Variants in GAD1 observed in about 807,000 individuals in gnomAD.
GAD1 encodes the protein 67 kDa glutamic acid decarboxylase.
Under a neutral mutation model 75.2 loss-of-function variants are expected in GAD1, and 35 were observed. That is an observed-to-expected ratio of 0.47 (90% CI 0.36 to 0.62). The LOEUF (loss-of-function observed/expected upper bound fraction) is 0.62. Ranked by LOEUF, GAD1 falls within the 20% of genes least tolerant of loss-of-function variation. The pLI is 0.00. For synonymous variants in GAD1, 257 were observed against 271.9 expected (o/e 0.95, Z 0.54); for missense variants, 490 against 758.5 (o/e 0.65, Z 4.16).
At chr2:170,820,594 GT>G (rs1701848101) in intron 2 of GAD1, among the ~76,000 whole-genome samples, 1 of 152,358 alleles carries the variant, frequency 6.6e-6, no homozygotes, top group Non-Finnish European at 1.5e-5. Context: ...GCACTCTCTT[GT>G]TCCAGAAACC....
At position 170,842,803 on chromosome 2, in the gene GAD1, G is replaced by A. The variant is rs765548531; in HGVS notation, c.639-1242G>A. 1.5e-4 allele frequency: 195 copies of A among 1,342,390 alleles called. 1 individual carries two copies. The highest frequency in any genetic ancestry group is 1.9e-4 in the Non-Finnish European group (191 of 1,006,924). The allele number at this position is 1,342,390 out of a possible 1,614,324, so 83.2% of individuals were successfully genotyped here. A position where few individuals can be genotyped will look rare whatever the true frequency, so the allele number is the denominator to read the frequency against. ...TCTTTTTGTCTTCTTTTACCTCCATGTGATTAATTTGACTGCTTTTTTCAT... is the reference window on the plus strand; with the variant it reads ...TCTTTTTGTCTTCTTTTACCTCCATATGATTAATTTGACTGCTTTTTTCAT... On this transcript the variant is annotated intron_variant, in intron 6 of 16. Coordinates refer to ENST00000358196, the MANE Select transcript of GAD1 (RefSeq NM_000817.3).
chr2:170,822,436 C>T (rs965217998), intron 3 of GAD1, among the ~76,000 whole-genome samples: 1 of 152,218 alleles, frequency 6.6e-6, no homozygotes, highest in East Asian at 1.9e-4. Context: ...GGGAGGAAAG[C>T]GCCCCCGCGC....
intron 3 of GAD1, among the ~76,000 whole-genome samples, chr2:170,828,532 C>CCCTCTGCTGTCCTCACCCTCCTA (rs1404849960): frequency 7.9e-6 from 1 of 125,830 alleles, no homozygotes; most frequent in Non-Finnish European, 1.7e-5. Context: ...TTGCTCTCCT[C>CCCTCTGCTGTCCTCACCCTCCTA]CCTCTGCTGT....
chr2:170,815,592 G>C (rs558498821), upstream of GAD1, among the ~76,000 whole-genome samples: 1 of 152,104 alleles, frequency 6.6e-6, no homozygotes, highest in Non-Finnish European at 1.5e-5. Flanking sequence ...GGCCCCAGAC[G>C]TGCGCATAAA....
intron 14 of GAD1, among the ~76,000 whole-genome samples, chr2:170,856,584 T>C (rs1228734462): frequency 6.6e-6 from 1 of 152,208 alleles, no homozygotes; most frequent in Non-Finnish European, 1.5e-5. Context: ...TTTAAAAACA[T>C]ACAAAGAACA....
chr2:170,847,414 C>A (rs1559283030), intron 10 of GAD1, among the ~76,000 whole-genome samples: 1 of 152,208 alleles, frequency 6.6e-6, no homozygotes, highest in Admixed American at 6.5e-5. Flanking sequence ...TGACAGAATT[C>A]TTTATCTGTT....
At chr2:170,856,328 G>A (rs1702851173) in intron 14 of GAD1, among the ~76,000 whole-genome samples, 1 of 152,224 alleles carries the variant, frequency 6.6e-6, no homozygotes, top group South Asian at 2.1e-4. Flanking sequence ...CATATACTGA[G>A]ACCAATGGCT....
chr2:170,847,740 T>C lies in GAD1; in HGVS notation c.1067T>C (p.Ile356Thr). 6.2e-7 allele frequency: 1 copy of C among 1,614,246 alleles called. No homozygotes were observed. Among genetic ancestry groups the C allele is most frequent in the Non-Finnish European group, 8.5e-7 (1 of 1,180,010 alleles). ...ACTGTTTATGGAGCTTTTGATCCGA[T>C]ACAAGAGATTGCAGATATATGTGAG... ...GTTVYGAFDPIQEIADICEKY... is the reference protein window; with the variant it reads ...GTTVYGAFDPTQEIADICEKY... Residue 356 changes from isoleucine (I) to threonine (T), a missense_variant, in exon 11 of 17, where the codon ATA becomes ACA. Ile to Thr is a moderately conservative substitution (Grantham distance 89). Transcript: ENST00000358196.
At chr2:170,817,323 GC>G (rs1701732772) in intron 1 of GAD1, 1 of 151,940 alleles carries the variant, frequency 6.6e-6, no homozygotes, top group Non-Finnish European at 1.5e-5. Context: ...TTGAAGTGGG[GC>G]AAGAGCGATT....
At chr2:170,821,668 G>C (rs1315568548) in intron 2 of GAD1, 2 of 193,932 alleles carry the variant, frequency 1.0e-5, no homozygotes. Context: ...AGATGCCTGT[G>C]TTCCCTTTCT....
chr2:170,813,608 G>C (rs931360135), upstream of GAD1, among the ~76,000 whole-genome samples: 4 of 152,156 alleles, frequency 2.6e-5, no homozygotes, highest in Admixed American at 1.3e-4. Context: ...CCACGTTTTA[G>C]GCGTGAAGAT....
intron 14 of GAD1, among the ~76,000 whole-genome samples, chr2:170,854,557 C>T (rs1046717601): frequency 5.9e-5 from 9 of 152,198 alleles, no homozygotes; most frequent in Admixed American, 2.0e-4. Flanking sequence ...CCCGCCACTA[C>T]GCCCGGCTAA....
At chr2:170,846,953 A>G (rs1702646631) in intron 10 of GAD1, among the ~76,000 whole-genome samples, 2 of 152,232 alleles carry the variant, frequency 1.3e-5, no homozygotes, top group Admixed American at 1.3e-4. Context: ...GAAGTGAGCC[A>G]TGATCGTGCC....
intron 3 of GAD1, among the ~76,000 whole-genome samples, chr2:170,822,511 C>T (rs1412118374): frequency 6.6e-6 from 1 of 152,240 alleles, no homozygotes; most frequent in Non-Finnish European, 1.5e-5. Context: ...ACTCTGCCTG[C>T]GCGTCCCAAA....
chr2:170,843,886 G>A (rs753494401), intron 6 of GAD1, 159 bp from the exon 7 acceptor site: 39 of 629,304 alleles, frequency 6.2e-5, no homozygotes, highest in Non-Finnish European at 6.0e-5. Context: ...TTTTATGATC[G>A]GCGACTTAAT....
intron 11 of GAD1, 85 bp from the exon 12 acceptor site, chr2:170,849,201 T>C: frequency 8.6e-7 from 1 of 1,165,172 alleles, no homozygotes; most frequent in East Asian, 2.4e-5. Flanking sequence ...TTCTTGCTCA[T>C]GTTTTAGTAG....
At chr2:170,825,291 A>G (rs1701997521) in intron 3 of GAD1, among the ~76,000 whole-genome samples, 1 of 152,160 alleles carries the variant, frequency 6.6e-6, no homozygotes, top group African/African-American at 2.4e-5. Context: ...CAGGAGGATG[A>G]GGCAGGAGGA....
intron 15 of GAD1, 95 bp from the exon 16 acceptor site, chr2:170,858,709 C>A (rs1702901949): frequency 9.3e-7 from 1 of 1,079,980 alleles, no homozygotes; most frequent in South Asian, 1.3e-5. Flanking sequence ...TTTCTTTGGT[C>A]CAAGAGACTT....
intron 13 of GAD1, 196 bp downstream of exon 13, chr2:170,852,988 G>A: frequency 1.5e-6 from 1 of 657,408 alleles, no homozygotes; most frequent in Non-Finnish European, 2.8e-6. Flanking sequence ...TGGCTACTGT[G>A]CTTCTTCTTT....
Sources: allele counts gnomAD v4.1 joint callset (sites outside exome capture counted in the v4.1 genomes callset), GRCh38; gene constraint gnomAD v4.1.1; transcripts MANE v1.5; gene names NCBI Gene and HGNC (gene_info 2026-07-23, HGNC 2026-07-21).